The following RTN4 variants were observed in gnomAD, a reference collection of about 807,000 sequenced individuals.
The protein encoded by RTN4 is reticulon-4.
In RTN4, 32 loss-of-function variants were observed where a neutral mutation model predicts 90.4. That is an observed-to-expected ratio of 0.35 (90% CI 0.27 to 0.48). The LOEUF (loss-of-function observed/expected upper bound fraction) is 0.48. Among genes scored for constraint, RTN4 ranks in the 20% least tolerant of loss-of-function variants. The pLI, the probability that RTN4 is intolerant of heterozygous loss-of-function variation, is 0.99. For missense variants in RTN4, 1,706 were observed against 1,430.2 expected (o/e 1.19, Z -3.11); for synonymous variants, 629 against 552.5 (o/e 1.14, Z -1.94).
At chr2:55,020,922 G>A (rs1287366987) in intron 3 of RTN4, among the ~76,000 whole-genome samples, 1 of 152,060 alleles carries the variant, frequency 6.6e-6, no homozygotes, top group Non-Finnish European at 1.5e-5. Flanking sequence ...CCTGACCCTG[G>A]GAGGTTGAGG....
At chr2:54,989,856 C>T (rs1219362097) in intron 3 of RTN4, among the ~76,000 whole-genome samples, 1 of 152,138 alleles carries the variant, frequency 6.6e-6, no homozygotes, top group African/African-American at 2.4e-5. Context: ...TAACTGTAAG[C>T]ATCTTTCTGC....
intron 2 of RTN4, among the ~76,000 whole-genome samples, chr2:55,065,879 T>C (rs1668381020): frequency 1.3e-5 from 2 of 152,230 alleles, no homozygotes; most frequent in Admixed American, 6.5e-5. Context: ...AACTACTCTA[T>C]ACTTGATTTG....
chr2:55,066,951 C>A (rs1386530536), intron 2 of RTN4, among the ~76,000 whole-genome samples: 1 of 152,106 alleles, frequency 6.6e-6, no homozygotes, highest in Non-Finnish European at 1.5e-5. Flanking sequence ...ACATAAAGAA[C>A]ATAACCCAAA....
chr2:55,026,001 C>G lies in RTN4; in HGVS notation c.2098G>C (p.Asp700His). Residue 700 changes from aspartate to histidine, a missense_variant, in exon 3 of 9, where the codon GAT (aspartate) becomes CAT (histidine). Coordinates refer to ENST00000337526, the MANE Select transcript of RTN4 (RefSeq NM_020532.5). The stretch of plus-strand genomic sequence containing the variant: ...GAAAGCTTTGTTTCTTTAATTAAAT[C>G]ACATGCAATAGATATATAAGGAGCT... ...TEAPYISIAC[D>H]LIKETKLSAE... The G allele has an allele frequency of 6.2e-7, 1 of 1,612,772 alleles. No individual in the cohort carries two copies. The highest frequency in any genetic ancestry group is 8.5e-7 in the Non-Finnish European group (1 of 1,179,748).
chr2:55,137,373 C>T, the RTN4 span, among the ~76,000 whole-genome samples: 1 of 152,088 alleles, frequency 6.6e-6, no homozygotes, highest in Non-Finnish European at 1.5e-5. Flanking sequence ...AGTGACGCTA[C>T]GGAGTCAGGA....
intron 3 of RTN4, among the ~76,000 whole-genome samples, chr2:54,996,771 T>C (rs1032254640): frequency 2.6e-5 from 4 of 152,238 alleles, no homozygotes; most frequent in African/African-American, 4.8e-5. Flanking sequence ...GTTGTTGTTA[T>C]TGTCGCTGAG....
At chr2:55,129,967 G>A in the RTN4 span, among the ~76,000 whole-genome samples, 1 of 152,204 alleles carries the variant, frequency 6.6e-6, no homozygotes, top group African/African-American at 2.4e-5. Flanking sequence ...ATTTTAAAAT[G>A]TGCATGCTCT....
the RTN4 span, among the ~76,000 whole-genome samples, chr2:55,132,936 G>C: frequency 4.0e-5 from 6 of 151,556 alleles, no homozygotes; most frequent in African/African-American, 1.5e-4. Context: ...ACATGGCCGG[G>C]TGTGGTGGCT....
rs147626239 is a variant in RTN4, at chr2:55,107,966, T to G, written c.-214+4554A>C. On this transcript the variant is annotated intron_variant, in intron 1 of 3. Transcript: ENST00000427710. ...ATCCTGTTAAATTCGGTCCTTTTTT[T>G]TTTTGAGATGGAGTCTTGCTCTGTA... Among the ~76,000 whole-genome samples, 176 of 152,236 alleles carry G rather than the reference T, an allele frequency of 1.2e-3. 1 individual carries two copies. Among genetic ancestry groups the G allele is most frequent in the African/African-American group, 4.0e-3 (168 of 41,496 alleles).
At chr2:55,035,691 T>C (rs976547220) in intron 1 of RTN4, among the ~76,000 whole-genome samples, 1 of 150,472 alleles carries the variant, frequency 6.6e-6, no homozygotes, top group Admixed American at 6.6e-5. Context: ...GATAATCAAC[T>C]AAAATGATCA....
the RTN4 span, among the ~76,000 whole-genome samples, chr2:55,132,502 CA>C: frequency 0.32 from 46,001 of 142,674 alleles, 8,461 homozygotes; most frequent in African/African-American, 0.53. Flanking sequence ...GACTCTGTCT[CA>C]AAAAAAAAAA....
intron 3 of RTN4, among the ~76,000 whole-genome samples, chr2:54,995,863 G>A (rs1318480176): frequency 6.6e-6 from 1 of 152,090 alleles, no homozygotes; most frequent in African/African-American, 2.4e-5. Flanking sequence ...TACAGACAGT[G>A]GCCCCAGCAA....
chr2:55,114,465 G>A (rs553203972), upstream of RTN4, among the ~76,000 whole-genome samples: 23 of 152,288 alleles, frequency 1.5e-4, no homozygotes, highest in Admixed American at 7.8e-4. Flanking sequence ...TTAGGAGGCC[G>A]AGGCAGGTGG....
chr2:54,992,797 T>C (rs1010909557), intron 3 of RTN4, among the ~76,000 whole-genome samples: 8 of 151,854 alleles, frequency 5.3e-5, no homozygotes, highest in African/African-American at 1.9e-4. Flanking sequence ...TGGCCGGGCG[T>C]GGTGGCTCAC....
chr2:55,116,091 C>CTTTTTTT (rs5831339), upstream of RTN4, among the ~76,000 whole-genome samples: 156 of 105,396 alleles, frequency 1.5e-3, no homozygotes, highest in Non-Finnish European at 2.1e-3. Context: ...GGGGACTAGT[C>CTTTTTTT]TTTTTTTTTT....
At chr2:55,000,095 C>G (rs1822617) in intron 3 of RTN4, among the ~76,000 whole-genome samples, 49,363 of 151,892 alleles carry the variant, frequency 0.32, 8,933 homozygotes, top group South Asian at 0.51. Flanking sequence ...ACTGAACACA[C>G]TGGTACTAAA....
chr2:55,002,049 T>TTTTATTTATTTATTTA (rs34110967), intron 3 of RTN4, among the ~76,000 whole-genome samples: 6 of 151,006 alleles, frequency 4.0e-5, no homozygotes, highest in South Asian at 2.1e-4. Flanking sequence ...TCAAATCTTA[T>TTTTATTTATTTATTTA]TTTATTTATT....
chr2:55,027,630 G>A lies in RTN4; in HGVS notation c.614-145C>T, dbSNP rs538994164. 1.2e-4 allele frequency: 92 copies of A among 785,926 alleles called. No homozygotes were observed. The South Asian group carries it at 1.5e-3, about 13-fold the overall frequency. The allele number at this position is 785,926 out of a possible 1,614,324, so 48.7% of individuals were successfully genotyped here. ...TAATAGCAATTAATAAGTAACAATA[G>A]AGTAGACTTCAATCATTACTGAAAA... is the stretch of plus-strand genomic sequence containing the variant. On this transcript the variant is annotated intron_variant, in intron 2 of 8. Coordinates refer to ENST00000337526, the MANE Select transcript of RTN4 (RefSeq NM_020532.5).
the RTN4 span, among the ~76,000 whole-genome samples, chr2:55,130,104 A>T: frequency 6.6e-6 from 1 of 152,216 alleles, no homozygotes; most frequent in South Asian, 2.1e-4. Flanking sequence ...AACAACCTGA[A>T]TGTCCTCTAG....
Sources: gnomAD v4.1 joint callset for allele counts (sites outside exome capture counted in the v4.1 genomes callset) on GRCh38, gnomAD v4.1.1 for gene constraint, MANE v1.5 for transcripts, NCBI Gene and HGNC (gene_info 2026-07-23, HGNC 2026-07-21) for gene names.